Variants in PGLS observed in about 807,000 individuals in gnomAD.
PGLS encodes the protein epididymis secretory protein Li 304.
Under a neutral mutation model 23.2 loss-of-function variants are expected in PGLS, and 21 were observed. The observed-to-expected ratio is 0.91, with a 90% CI of 0.64 to 1.31. The LOEUF (loss-of-function observed/expected upper bound fraction) is 1.31. Among genes scored for constraint, PGLS ranks in the 50% most tolerant of loss-of-function variants. PGLS has a pLI of 0.00. For synonymous variants in PGLS, 179 were observed against 165.4 expected, an observed-to-expected ratio of 1.08 and a Z score of -0.63; for missense variants, 410 against 354.0, an observed-to-expected ratio of 1.16 and a Z score of -1.27.
Position 17,511,678 on chromosome 19 carries a change from C to T in PGLS, c.6C>T (p.Ala2=). Residue 2 remains alanine (A), a synonymous_variant, in exon 1 of 5, where the codon GCC becomes GCT. Transcript: ENST00000252603. M[A]APAPGLISVF... ...TCCCCGCCGCCGCCCTCGCCATGGC[C>T]GCGCCGGCCCCGGGCCTCATCTCGG... 7 of 1,486,392 alleles carry T rather than the reference C, an allele frequency of 4.7e-6. No homozygotes were observed. Among genetic ancestry groups the T allele is most frequent in the Non-Finnish European group, 5.3e-6 (6 of 1,126,890 alleles). The allele number at this position is 1,486,392 out of a possible 1,614,324, so 92.1% of individuals were successfully genotyped here.
chr19:17,516,949 A>C (rs145477498), intron 2 of PGLS, among the ~76,000 whole-genome samples: 1 of 150,168 alleles, frequency 6.7e-6, no homozygotes, highest in African/African-American at 2.5e-5. Flanking sequence ...CAGTGATGCA[A>C]TCTCAGCTCA....
In PGLS at chr19:17,511,686, C is replaced by A. The variant is rs1328907771; in HGVS notation, c.14C>A (p.Ala5Asp). Residue 5 changes from alanine to aspartate, a missense_variant, in exon 1 of 5, where the codon GCC (alanine) becomes GAC (aspartate). By Grantham distance (126) the Ala-to-Asp change is moderately radical. Coordinates refer to ENST00000252603, the MANE Select transcript of PGLS (RefSeq NM_012088.3). ...GCCGCCCTCGCCATGGCCGCGCCGG[C>A]CCCGGGCCTCATCTCGGTGTTCTCG... MAAP[A>D]PGLISVFSSS... The A allele has an allele frequency of 6.7e-7, 1 of 1,501,170 alleles. No homozygotes were observed. Among genetic ancestry groups the A allele is most frequent in the Non-Finnish European group, 8.8e-7 (1 of 1,132,504 alleles). 93.0% of individuals were successfully genotyped at this position (1,501,170 alleles called of 1,614,324 possible). A position where few individuals can be genotyped will look rare whatever the true frequency, so the allele number is the denominator to read the frequency against.
chr19:17,517,509 C>T (rs2075538826), intron 3 of PGLS, 120 bp downstream of exon 3: 3 of 959,368 alleles, frequency 3.1e-6, no homozygotes, highest in Non-Finnish European at 4.8e-6. Flanking sequence ...AAGTCAGCCT[C>T]CACCAACATA....
intron 1 of PGLS, 100 bp downstream of exon 1, chr19:17,512,060 G>A: frequency 3.2e-6 from 4 of 1,262,510 alleles, no homozygotes; most frequent in South Asian, 1.5e-5. Flanking sequence ...CGAAAGGGCC[G>A]CGCCCACTGT....
chr19:17,516,195 C>G lies in PGLS; in HGVS notation c.311C>G (p.Pro104Arg), dbSNP rs771241384. The change falls in exon 2 of 5, where the codon CCG becomes CGG. Residue 104 changes from proline to arginine, a missense_variant. Transcript: ENST00000252603. ...CAGACGCATCTTCTCTCCAGACTGC[C>G]GATCCCAGAAAGCCAGGTGATCACC... ...LYRTHLLSRL[P>R]IPESQVITIN... The G allele has an allele frequency of 1.2e-6, 2 of 1,613,878 alleles. No individual in the cohort carries two copies. Among genetic ancestry groups the G allele is most frequent in the African/African-American group, 1.3e-5 (1 of 75,042 alleles).
At position 17,517,030 on chromosome 19, in the gene PGLS, G is replaced by A. The variant is rs146450228; in HGVS notation, c.397-258G>A. 5.1e-3 allele frequency among the ~76,000 whole-genome samples: 775 copies of A among 151,940 alleles called. 6 individuals carry two copies. The highest frequency in any genetic ancestry group is 0.018 in the African/African-American group (747 of 41,442). On this transcript the variant is annotated intron_variant, in intron 2 of 4. Transcript: ENST00000252603. Reference sequence around the variant, plus strand: ...CTCCCAAGTAGCTAGGACTACAGGTGCCTGCCACCACGCCTGGCTAATTTT... The same window carrying A: ...CTCCCAAGTAGCTAGGACTACAGGTACCTGCCACCACGCCTGGCTAATTTT...
At chr19:17,516,539 G>T in intron 2 of PGLS, 1 of 1,263,166 alleles carries the variant, frequency 7.9e-7, no homozygotes, top group Admixed American at 3.3e-5. Flanking sequence ...TTTGATCACA[G>T]GCTACATTGA....
intron 1 of PGLS, among the ~76,000 whole-genome samples, chr19:17,515,235 C>T (rs2075527097): frequency 6.6e-6 from 1 of 152,172 alleles, no homozygotes; most frequent in Non-Finnish European, 1.5e-5. Flanking sequence ...CCCTCCTTGG[C>T]TCCCCAATGC....
In PGLS at chr19:17,511,672, C is replaced by A. The variant is rs754878107; in HGVS notation, c.-1C>A. 6.7e-7 allele frequency: 1 copy of A among 1,485,036 alleles called. No homozygotes were observed. Among genetic ancestry groups the A allele is most frequent in the South Asian group, 1.3e-5 (1 of 79,538 alleles). 92.0% of individuals were successfully genotyped at this position (1,485,036 alleles called of 1,614,324 possible). A position where few individuals can be genotyped will look rare whatever the true frequency, so the allele number is the denominator to read the frequency against. On this transcript the variant is annotated 5_prime_UTR_variant, in exon 1 of 5. Transcript: ENST00000252603. ...TCCTCCTCCCCGCCGCCGCCCTCGC[C>A]ATGGCCGCGCCGGCCCCGGGCCTCA...
In PGLS at chr19:17,511,949, G is replaced by T. The variant is rs866597976; in HGVS notation, c.277G>T (p.Gly93Cys). The change falls in exon 1 of 5, where the codon GGC becomes TGC. Residue 93 changes from glycine (G) to cysteine (C), a missense_variant. By Grantham distance (159) the Gly-to-Cys change is radical (BLOSUM62 -3). Transcript: ENST00000252603. ...VPFDHAESTY[G>C]LYRTHLLSRL... The stretch of plus-strand genomic sequence containing the variant: ...CTTCGATCACGCCGAGAGCACGTAC[G>T]GCCTCTACCGGGTGAGAGCTACGGG... The T allele has an allele frequency of 6.5e-7, 1 of 1,549,526 alleles. No homozygotes were observed. Among genetic ancestry groups the T allele is most frequent in the Middle Eastern group, 2.2e-4 (1 of 4,574 alleles).
intron 4 of PGLS, among the ~76,000 whole-genome samples, chr19:17,519,199 A>G (rs2144646116): frequency 6.6e-6 from 1 of 151,314 alleles, no homozygotes; most frequent in South Asian, 2.1e-4. Flanking sequence ...CTGTAGTCCC[A>G]GCTACTCAGG....
At chr19:17,513,798 G>A (rs1466510723) in intron 1 of PGLS, among the ~76,000 whole-genome samples, 1 of 152,204 alleles carries the variant, frequency 6.6e-6, no homozygotes, top group African/African-American at 2.4e-5. Context: ...CAGCCTGGGC[G>A]ACAGTTGAGA....
chr19:17,517,521 C>G (rs2144644640), intron 3 of PGLS, 132 bp downstream of exon 3: 1 of 932,162 alleles, frequency 1.1e-6, no homozygotes, highest in Non-Finnish European at 1.6e-6. Context: ...ACCAACATAC[C>G]TGCCTGCTGG....
chr19:17,514,203 A>G (rs191354673), intron 1 of PGLS, among the ~76,000 whole-genome samples: 2 of 151,916 alleles, frequency 1.3e-5, no homozygotes, highest in East Asian at 3.9e-4. Context: ...CTTTGGGAGG[A>G]TCCTTCATTT....
At chr19:17,516,414 C>G in intron 2 of PGLS, 134 bp downstream of exon 2, 1 of 1,438,290 alleles carries the variant, frequency 7.0e-7, no homozygotes, top group Non-Finnish European at 9.2e-7. Context: ...GAGGAATCCC[C>G]TCTTCGAGGC....
chr19:17,511,810 G>A lies in PGLS; in HGVS notation c.138G>A (p.Ser46=), dbSNP rs1222452086. ...GARARFALGL[S]GGSLVSMLAR... is the part of the protein sequence containing the mutation. ...GCGCCCGTTTCGCGCTCGGCCTGTC[G>A]GGCGGGAGCCTCGTCTCGATGCTAG... is the stretch of plus-strand genomic sequence containing the variant. The change falls in exon 1 of 5, where the codon TCG becomes TCA. Residue 46 remains serine (S), a synonymous_variant. Coordinates refer to ENST00000252603, the MANE Select transcript of PGLS (RefSeq NM_012088.3). 4.0e-6 allele frequency: 6 copies of A among 1,507,968 alleles called. No homozygotes were observed. Among genetic ancestry groups the A allele is most frequent in the Non-Finnish European group, 5.3e-6 (6 of 1,133,078 alleles). The allele number at this position is 1,507,968 out of a possible 1,614,324, so 93.4% of individuals were successfully genotyped here. A position where few individuals can be genotyped will look rare whatever the true frequency, so the allele number is the denominator to read the frequency against.
At chr19:17,515,547 A>C (rs1043078098) in intron 1 of PGLS, among the ~76,000 whole-genome samples, 6 of 152,164 alleles carry the variant, frequency 3.9e-5, no homozygotes, top group Non-Finnish European at 8.8e-5. Flanking sequence ...GGCCTGGGCA[A>C]GCCTGGCCCC....
At chr19:17,514,297 T>C (rs2075522900) in intron 1 of PGLS, among the ~76,000 whole-genome samples, 1 of 152,074 alleles carries the variant, frequency 6.6e-6, no homozygotes, top group Non-Finnish European at 1.5e-5. Flanking sequence ...CACATGGCCT[T>C]CTTGGATTCT....
intron 2 of PGLS, 181 bp downstream of exon 2, chr19:17,516,461 C>T: frequency 1.4e-6 from 2 of 1,401,072 alleles, no homozygotes; most frequent in East Asian, 2.7e-5. Context: ...GGCCACTCGG[C>T]CTCTGTTGCC....
Sources: allele counts gnomAD v4.1 joint callset (sites outside exome capture counted in the v4.1 genomes callset), GRCh38; gene constraint gnomAD v4.1.1; transcripts MANE v1.5; gene names NCBI Gene and HGNC (gene_info 2026-07-23, HGNC 2026-07-21).